GPHN: variants seen among roughly 807,000 people sequenced by gnomAD.
GPHN encodes the protein gephyrin.
Under a neutral mutation model 95.5 loss-of-function variants are expected in GPHN, and 17 were observed. The observed-to-expected ratio is 0.18, with a 90% CI of 0.12 to 0.27. The LOEUF (loss-of-function observed/expected upper bound fraction) is 0.27. GPHN is among the 10% of genes least tolerant of loss of function. The pLI, the probability that GPHN is intolerant of heterozygous loss-of-function variation, is 1.00. For synonymous variants in GPHN, 320 were observed against 322.5 expected (o/e 0.99, Z 0.08); for missense variants, 660 against 978.1 (o/e 0.67, Z 4.34).
chr14:67,541,665 G>A, the GPHN span, among the ~76,000 whole-genome samples: 1 of 152,190 alleles, frequency 6.6e-6, no homozygotes, highest in Non-Finnish European at 1.5e-5. Context: ...CTGAGCTGAG[G>A]AAGGCAGGGA....
the GPHN span, chr14:67,198,060 TAATA>T: frequency 2.8e-6 from 4 of 1,442,828 alleles, no homozygotes; most frequent in Admixed American, 2.3e-5. Context: ...TTTGCTGAAT[TAATA>T]AATAAATGAA....
intron 1 of GPHN, among the ~76,000 whole-genome samples, chr14:66,657,359 G>A (rs1348541745): frequency 2.0e-5 from 3 of 152,198 alleles, no homozygotes; most frequent in Non-Finnish European, 4.4e-5. Context: ...TGCAAGTGGT[G>A]ATTTAAAAGT....
At chr14:67,279,806 CT>C in the GPHN span, 1 of 358,756 alleles carries the variant, frequency 2.8e-6, no homozygotes, top group Non-Finnish European at 5.0e-6. Context: ...CATTTAAAGC[CT>C]TGAAATTTAC....
intron 9 of GPHN, among the ~76,000 whole-genome samples, chr14:67,013,687 A>C (rs1213351775): frequency 6.6e-6 from 1 of 152,046 alleles, no homozygotes; most frequent in Non-Finnish European, 1.5e-5. Context: ...TTAAGCATTT[A>C]GAAAAATAAA....
At chr14:67,563,545 C>T in the GPHN span, among the ~76,000 whole-genome samples, 11 of 151,756 alleles carry the variant, frequency 7.2e-5, no homozygotes, top group Admixed American at 2.0e-4. Context: ...TCAATTCTCC[C>T]GCCTCAGCCT....
chr14:67,416,020 C>A, the GPHN span, among the ~76,000 whole-genome samples: 1 of 152,106 alleles, frequency 6.6e-6, no homozygotes, highest in African/African-American at 2.4e-5. Flanking sequence ...ATAGCTAGTG[C>A]ATGTTGGGCT....
the GPHN span, among the ~76,000 whole-genome samples, chr14:67,260,682 T>A: frequency 1.3e-5 from 2 of 152,282 alleles, no homozygotes; most frequent in South Asian, 4.1e-4. Flanking sequence ...AAACAATATG[T>A]CAAAAGTTTA....
rs1300331215 is a variant in GPHN, at chr14:66,646,558, A to AAT, written c.65-34539_65-34538dup. Among the ~76,000 whole-genome samples the AAT allele has an allele frequency of 1.4e-4, 22 of 152,228 alleles. 1 individual carries two copies. The East Asian group carries it at 3.7e-3, about 25-fold the overall frequency. On this transcript the variant is annotated intron_variant, in intron 1 of 22. Transcript: ENST00000478722. ...GGTGGAAGGAATGAATAGATAAAAC[A>AAT]ATATATATATAAAATAGATAAAACA...
chr14:66,940,860 A>G (rs573312456), intron 8 of GPHN, among the ~76,000 whole-genome samples: 18 of 152,304 alleles, frequency 1.2e-4, no homozygotes, highest in African/African-American at 4.3e-4. Context: ...TGTGGAATTG[A>G]GTCCTCCTCC....
chr14:67,242,064 T>G, the GPHN span: 1 of 152,232 alleles, frequency 6.6e-6, no homozygotes, highest in South Asian at 2.1e-4. Context: ...AAAAGCCTAG[T>G]TTTGTTCATG....
At chr14:66,537,444 A>C (rs2059182296) in intron 1 of GPHN, among the ~76,000 whole-genome samples, 1 of 150,812 alleles carries the variant, frequency 6.6e-6, no homozygotes, top group South Asian at 2.1e-4. Flanking sequence ...ATAAATCTTG[A>C]TTTTTTTTAG....
At chr14:67,656,641 T>G in the GPHN span, 1 of 1,541,810 alleles carries the variant, frequency 6.5e-7, no homozygotes, top group Non-Finnish European at 8.8e-7. Context: ...ATAAATTCAT[T>G]GCCAGCATAT....
chr14:66,976,803 G>C (rs1243562943), intron 9 of GPHN, among the ~76,000 whole-genome samples: 6 of 151,288 alleles, frequency 4.0e-5, no homozygotes, highest in African/African-American at 9.7e-5. Flanking sequence ...CCATATACAG[G>C]GTTGACAACC....
chr14:67,360,968 T>C, the GPHN span, among the ~76,000 whole-genome samples: 1 of 152,116 alleles, frequency 6.6e-6, no homozygotes, highest in South Asian at 2.1e-4. Context: ...GGGGTCCGAG[T>C]AGTTTTTCAT....
intron 2 of GPHN, among the ~76,000 whole-genome samples, chr14:66,739,719 A>G (rs554159511): frequency 6.6e-6 from 1 of 152,262 alleles, no homozygotes; most frequent in Non-Finnish European, 1.5e-5. Flanking sequence ...ACGAAAAGCT[A>G]CAAGGAAATG....
the GPHN span, among the ~76,000 whole-genome samples, chr14:67,531,541 C>T: frequency 6.6e-6 from 1 of 151,860 alleles, no homozygotes; most frequent in African/African-American, 2.4e-5. Flanking sequence ...ACAGAAGTAA[C>T]CAGCTATAGG....
intron 1 of GPHN, among the ~76,000 whole-genome samples, chr14:66,602,899 A>G (rs769889072): frequency 9.2e-5 from 14 of 151,924 alleles, no homozygotes; most frequent in Non-Finnish European, 1.9e-4. Flanking sequence ...AATAAGAGTT[A>G]TAAATTAATT....
intron 19 of GPHN, among the ~76,000 whole-genome samples, chr14:67,163,873 C>T (rs888758672): frequency 6.6e-6 from 1 of 151,912 alleles, no homozygotes; most frequent in Admixed American, 6.6e-5. Context: ...ACACTATTCT[C>T]AACTGCCCAC....
At chr14:67,691,479 G>A in the GPHN span, 1 of 431,514 alleles carries the variant, frequency 2.3e-6, no homozygotes, top group Non-Finnish European at 4.2e-6. Flanking sequence ...CCAGATCCTT[G>A]TAGTTCAGGA....
Sources: allele counts gnomAD v4.1 joint callset (sites outside exome capture counted in the v4.1 genomes callset), GRCh38; gene constraint gnomAD v4.1.1; transcripts MANE v1.5; gene names NCBI Gene and HGNC (gene_info 2026-07-23, HGNC 2026-07-21).